The following RUNX1 variants were observed in gnomAD, a reference collection of about 807,000 sequenced individuals.
RUNX1 encodes RUNX family transcription factor 1.
In RUNX1, 19 loss-of-function variants were observed where a neutral mutation model predicts 42.8. That is an observed-to-expected ratio of 0.44 (90% CI 0.31 to 0.65). The LOEUF (loss-of-function observed/expected upper bound fraction) is 0.65. Ranked by LOEUF, RUNX1 falls within the 30% of genes least tolerant of loss-of-function variation. The pLI is 0.07. For missense variants in RUNX1, 528 were observed against 672.0 expected, an observed-to-expected ratio of 0.79 and a Z score of 2.37; for synonymous variants, 271 against 289.4, an observed-to-expected ratio of 0.94 and a Z score of 0.64.
intron 4 of RUNX1, 61 bp downstream of exon 4, chr21:34,886,782 G>A: frequency 1.2e-6 from 2 of 1,609,210 alleles, no homozygotes; most frequent in South Asian, 2.2e-5. Context: ...CTGCCCTCGC[G>A]GATCTCCCCC....
chr21:34,936,817 T>A (rs77822461), intron 2 of RUNX1, among the ~76,000 whole-genome samples: 1,702 of 152,344 alleles, frequency 0.011, 27 homozygotes, highest in African/African-American at 0.039. Context: ...ATATAACATC[T>A]TCTGTAATTT....
intron 2 of RUNX1, among the ~76,000 whole-genome samples, chr21:34,958,691 C>G (rs1365765508): frequency 3.9e-5 from 6 of 152,162 alleles, no homozygotes; most frequent in East Asian, 1.9e-4. Flanking sequence ...CCAGCCATCC[C>G]TTTACTGGGT....
chr21:35,000,682 T>C (rs1199820214), intron 2 of RUNX1, among the ~76,000 whole-genome samples: 1 of 152,228 alleles, frequency 6.6e-6, no homozygotes, highest in African/African-American at 2.4e-5. Flanking sequence ...TTCATGTTCT[T>C]TGGACTTGTA....
chr21:34,795,828 T>A (rs1284521242), intron 8 of RUNX1, among the ~76,000 whole-genome samples: 2 of 152,198 alleles, frequency 1.3e-5, no homozygotes, highest in Non-Finnish European at 2.9e-5. Context: ...TTTAGATTTA[T>A]AGAGTCTACG....
chr21:34,825,618 G>A (rs1176606781), intron 7 of RUNX1, among the ~76,000 whole-genome samples: 3 of 152,184 alleles, frequency 2.0e-5, no homozygotes, highest in African/African-American at 7.2e-5. Flanking sequence ...GTTATCTCTG[G>A]ACTCACCTGC....
intron 2 of RUNX1, among the ~76,000 whole-genome samples, chr21:35,025,996 A>G (rs1303545294): frequency 6.6e-6 from 1 of 152,124 alleles, no homozygotes; most frequent in African/African-American, 2.4e-5. Flanking sequence ...GGGTAGCTGG[A>G]ACAACTGCAG....
intron 2 of RUNX1, among the ~76,000 whole-genome samples, chr21:34,952,030 T>C (rs1007563220): frequency 2.6e-5 from 4 of 152,146 alleles, no homozygotes; most frequent in African/African-American, 7.2e-5. Flanking sequence ...ATACACACCA[T>C]GGAATACTAT....
At chr21:34,894,874 C>A in intron 2 of RUNX1, among the ~76,000 whole-genome samples, 1 of 138,624 alleles carries the variant, frequency 7.2e-6, no homozygotes, top group Non-Finnish European at 1.5e-5. Context: ...TCTTGACCTA[C>A]ATAGAAACAC....
intron 6 of RUNX1, among the ~76,000 whole-genome samples, chr21:34,849,462 A>AGT (rs1235683039): frequency 1.3e-5 from 1 of 78,634 alleles, no homozygotes; most frequent in Non-Finnish European, 2.4e-5. Context: ...TATAATATAT[A>AGT]GTATATATAT....
rs8131386 is a variant in RUNX1, at chr21:34,889,403, C to T, written c.98-2307G>A. Among the ~76,000 whole-genome samples, 741 of 152,196 alleles carry T rather than the reference C, an allele frequency of 4.9e-3. 11 individuals are homozygous for T. The highest frequency in any genetic ancestry group is 0.017 in the African/African-American group (709 of 41,548). On this transcript the variant is annotated intron_variant, in intron 3 of 8. Coordinates refer to ENST00000675419, the MANE Select transcript of RUNX1 (RefSeq NM_001754.5). The stretch of plus-strand genomic sequence containing the variant: ...GTAATGGGTGTTTTTTACCGCTGCG[C>T]CCGGGCCGCGGCTCGATCCCTCCGC...
intron 2 of RUNX1, among the ~76,000 whole-genome samples, chr21:35,029,908 C>T (rs2059261586): frequency 6.6e-6 from 1 of 152,180 alleles, no homozygotes; most frequent in African/African-American, 2.4e-5. Flanking sequence ...GCATTGTGGG[C>T]TGTTTGGTAG....
chr21:35,028,938 G>A (rs2059255070), intron 2 of RUNX1, among the ~76,000 whole-genome samples: 1 of 152,218 alleles, frequency 6.6e-6, no homozygotes, highest in Non-Finnish European at 1.5e-5. Flanking sequence ...GGGAAAAAGG[G>A]AGTGTAGACC....
chr21:35,027,179 C>G (rs1218287291), intron 2 of RUNX1, among the ~76,000 whole-genome samples: 1 of 152,198 alleles, frequency 6.6e-6, no homozygotes, highest in East Asian at 1.9e-4. Flanking sequence ...CACCCTACCC[C>G]CACATGAAAC....
At position 34,787,941 on chromosome 21, in the gene RUNX1, T is replaced by C. The variant is rs2056388293; in HGVS notation, c.*4194A>G. On this transcript the variant is annotated 3_prime_UTR_variant, in exon 9 of 9. Coordinates refer to ENST00000675419, the MANE Select transcript of RUNX1 (RefSeq NM_001754.5). ...AGCAGTCCAGCTGCCCTGCTCAGGC[T>C]GGGCACGACGAATGCTCCCAGGAGA... 2.1e-5 allele frequency: 5 copies of C among 233,286 alleles called. No homozygotes were observed. The highest frequency in any genetic ancestry group is 3.4e-5 in the Non-Finnish European group (4 of 118,138). The allele number at this position is 233,286 out of a possible 1,614,324, so 14.5% of individuals were successfully genotyped here. A position where few individuals can be genotyped will look rare whatever the true frequency, so the allele number is the denominator to read the frequency against.
At chr21:34,802,600 C>T (rs1393531358) in intron 7 of RUNX1, among the ~76,000 whole-genome samples, 1 of 152,246 alleles carries the variant, frequency 6.6e-6, no homozygotes, top group Non-Finnish European at 1.5e-5. Flanking sequence ...TTCCTGCCTT[C>T]TGGAAGTTAC....
intron 6 of RUNX1, among the ~76,000 whole-genome samples, chr21:34,851,465 T>C (rs2146192374): frequency 6.6e-6 from 1 of 152,346 alleles, no homozygotes; most frequent in East Asian, 1.9e-4. Flanking sequence ...TTTAAGATAA[T>C]TGCTCAAGTT....
intron 6 of RUNX1, chr21:34,859,222 T>C (rs189206328): frequency 1.7e-4 from 90 of 542,906 alleles, no homozygotes; most frequent in Admixed American, 6.6e-4. Context: ...CCCTGAATGG[T>C]TCTAACATAT....
intron 8 of RUNX1, among the ~76,000 whole-genome samples, chr21:34,795,225 A>C (rs1883375603): frequency 1.3e-5 from 2 of 152,228 alleles, no homozygotes; most frequent in South Asian, 4.1e-4. Flanking sequence ...TTGCTCTGAA[A>C]GGAAAGCTAC....
chr21:34,897,296 A>G (rs189045496), intron 2 of RUNX1, among the ~76,000 whole-genome samples: 1 of 152,330 alleles, frequency 6.6e-6, no homozygotes, highest in East Asian at 1.9e-4. Context: ...GATTTCTTAC[A>G]AAGATCTCTG....
Sources: allele counts gnomAD v4.1 joint callset (sites outside exome capture counted in the v4.1 genomes callset), GRCh38; gene constraint gnomAD v4.1.1; transcripts MANE v1.5; gene names NCBI Gene and HGNC (gene_info 2026-07-23, HGNC 2026-07-21).